Variants in PPA2 observed in about 807,000 individuals in gnomAD.
PPA2 encodes the protein inorganic pyrophosphatase 2, mitochondrial.
In PPA2, 48 loss-of-function variants were observed where a neutral mutation model predicts 49.5. The ratio of observed to expected loss-of-function variants is 0.97; its 90% confidence interval spans 0.77 to 1.23. The LOEUF is 1.23. Ranked by LOEUF, PPA2 falls within the 50% of genes most tolerant of loss-of-function variation. The pLI is 0.00. For synonymous variants in PPA2, 131 were observed against 139.9 expected, an observed-to-expected ratio of 0.94 and a Z score of 0.45; for missense variants, 429 against 410.1, an observed-to-expected ratio of 1.05 and a Z score of -0.40.
chr4:105,457,854 T>C (rs1261202130), intron 1 of PPA2, among the ~76,000 whole-genome samples: 1 of 152,192 alleles, frequency 6.6e-6, no homozygotes, highest in Non-Finnish European at 1.5e-5. Flanking sequence ...TGTGAGCCAC[T>C]GCACCTGGCC....
At position 105,437,139 on chromosome 4, in the gene PPA2, C is replaced by G. The variant is rs956047669; in HGVS notation, c.528+811G>C. On this transcript the variant is annotated intron_variant, in intron 6 of 11. Transcript: ENST00000341695. ...TAAAAAGTGCGCAAAGGCCACGAAC[C>G]AACATTTCTCAAAAAAAGAAATATA... is the stretch of plus-strand genomic sequence containing the variant. 6.6e-5 allele frequency among the ~76,000 whole-genome samples: 10 copies of G among 152,078 alleles called. No homozygotes were observed. In the East Asian group the frequency reaches 1.2e-3, roughly 18 times the overall value.
At chr4:105,451,255 T>A in intron 3 of PPA2, among the ~76,000 whole-genome samples, 1 of 152,294 alleles carries the variant, frequency 6.6e-6, no homozygotes, top group East Asian at 1.9e-4. Flanking sequence ...TAGTGTAACA[T>A]GGAATGCTGT....
At chr4:105,449,491 G>A (rs1045116200) in intron 3 of PPA2, 88 bp from the exon 4 acceptor site, 5 of 733,662 alleles carry the variant, frequency 6.8e-6, no homozygotes, top group Non-Finnish European at 1.1e-5. Flanking sequence ...TACCTTAGAT[G>A]TTTTCCCCCG....
At position 105,370,521 on chromosome 4, in the gene PPA2, GT is replaced by G. The variant is rs147156921; in HGVS notation, c.976+315del. 0.01 allele frequency: 8,181 copies of G among 798,336 alleles called. 546 individuals are homozygous for G. The African/African-American group carries it at 0.14, about 14-fold the overall frequency. The allele number at this position is 798,336 out of a possible 1,614,324, so 49.5% of individuals were successfully genotyped here. A position where few individuals can be genotyped will look rare whatever the true frequency, so the allele number is the denominator to read the frequency against. ...AAAAGATAAATATCTAAATGTAAGAGTTTTTTTTTAATTAAATCTTTTAAAA... is the reference window on the plus strand; with the variant it reads ...AAAAGATAAATATCTAAATGTAAGAGTTTTTTTTAATTAAATCTTTTAAAA... On this transcript the variant is annotated intron_variant, in intron 11 of 11. Transcript: ENST00000341695.
chr4:105,454,914 C>T lies in PPA2; in HGVS notation c.223-1272G>A, dbSNP rs9685346. ...TTTCCACCTCTACCTCTATCTACTA[C>T]ACGACTCTCAAAAATACAGCTTTAT... On this transcript the variant is annotated intron_variant, in intron 2 of 11. Coordinates refer to ENST00000341695, the MANE Select transcript of PPA2 (RefSeq NM_176869.3). 4.9e-3 allele frequency among the ~76,000 whole-genome samples: 753 copies of T among 152,272 alleles called. 10 individuals are homozygous for T. The highest frequency in any genetic ancestry group is 0.017 in the African/African-American group (709 of 41,538).
intron 6 of PPA2, among the ~76,000 whole-genome samples, chr4:105,434,991 C>T (rs1488417655): frequency 6.6e-6 from 1 of 152,230 alleles, no homozygotes; most frequent in Admixed American, 6.5e-5. Context: ...GAAAGTATAA[C>T]ATTTAGTTTT....
At position 105,449,338 on chromosome 4, in the gene PPA2, G is replaced by C. The variant is rs1356156874; in HGVS notation, c.321+12C>G. ...ATCATTTCGGTTTCATATTAATAAAGTATATCGGTACCTCCATTTTAGCAT... is the reference window on the plus strand; with the variant it reads ...ATCATTTCGGTTTCATATTAATAAACTATATCGGTACCTCCATTTTAGCAT... On this transcript the variant is annotated intron_variant, in intron 4 of 11. Coordinates refer to ENST00000341695, the MANE Select transcript of PPA2 (RefSeq NM_176869.3). 4 of 1,492,688 alleles carry C rather than the reference G, an allele frequency of 2.7e-6. No homozygotes were observed. The highest frequency in any genetic ancestry group is 3.7e-6 in the Non-Finnish European group (4 of 1,088,570). 92.5% of individuals were successfully genotyped at this position (1,492,688 alleles called of 1,614,324 possible).
At chr4:105,407,986 G>T (rs1044713315) in intron 7 of PPA2, among the ~76,000 whole-genome samples, 1 of 152,132 alleles carries the variant, frequency 6.6e-6, no homozygotes. Context: ...GAATTTGACT[G>T]GATGTAATTT....
In PPA2 at chr4:105,380,474, C is replaced by T. The variant is rs371024126; in HGVS notation, c.939+6093G>A. Among the ~76,000 whole-genome samples the T allele has an allele frequency of 4.3e-4, 66 of 152,068 alleles. No individual in the cohort carries two copies. In the East Asian group the frequency reaches 8.5e-3, roughly 20 times the overall value. On this transcript the variant is annotated intron_variant, in intron 10 of 11. Coordinates refer to ENST00000341695, the MANE Select transcript of PPA2 (RefSeq NM_176869.3). ...TCATTAATTTTTTTAAATTGTTTTT[C>T]TGGGCATATAAATTTTTTAAATCAC...
At chr4:105,404,297 G>A (rs975383416) in intron 7 of PPA2, among the ~76,000 whole-genome samples, 46 of 151,740 alleles carry the variant, frequency 3.0e-4, no homozygotes, top group African/African-American at 1.1e-3. Flanking sequence ...AAAAACTCTT[G>A]CCTACTGAAA....
intron 1 of PPA2, among the ~76,000 whole-genome samples, chr4:105,460,856 C>CAT (rs1491341057): frequency 7.2e-6 from 1 of 139,202 alleles, no homozygotes; most frequent in Non-Finnish European, 1.5e-5. Flanking sequence ...GATGTAAGAT[C>CAT]ACATATATAT....
chr4:105,372,697 T>C (rs72665981), intron 10 of PPA2, among the ~76,000 whole-genome samples: 19,325 of 152,110 alleles, frequency 0.13, 1,553 homozygotes, highest in East Asian at 0.43. Context: ...GCCTTCACAC[T>C]GGAACTGCAT....
chr4:105,464,701 C>A (rs78159178), intron 1 of PPA2, among the ~76,000 whole-genome samples: 1,670 of 152,164 alleles, frequency 0.011, 42 homozygotes, highest in African/African-American at 0.037. Flanking sequence ...TGATTATATA[C>A]GGGGGAGTTT....
intron 9 of PPA2, among the ~76,000 whole-genome samples, chr4:105,390,226 C>T (rs1733856419): frequency 6.6e-6 from 1 of 152,166 alleles, no homozygotes; most frequent in South Asian, 2.1e-4. Flanking sequence ...AAAACCTAGA[C>T]AATACCATTC....
At chr4:105,426,365 A>G (rs529489402) in intron 6 of PPA2, among the ~76,000 whole-genome samples, 206 of 152,298 alleles carry the variant, frequency 1.4e-3, no homozygotes, top group Admixed American at 3.5e-3. Flanking sequence ...AGAGCAAGCC[A>G]AAGAAGGGCA....
chr4:105,413,769 G>C (rs1012273338), intron 7 of PPA2, among the ~76,000 whole-genome samples: 1 of 152,088 alleles, frequency 6.6e-6, no homozygotes, highest in Non-Finnish European at 1.5e-5. Context: ...CGATTGTAAA[G>C]ATAATAAAAT....
intron 7 of PPA2, among the ~76,000 whole-genome samples, chr4:105,423,617 A>C (rs1723350448): frequency 6.6e-6 from 1 of 152,224 alleles, no homozygotes; most frequent in Admixed American, 6.5e-5. Flanking sequence ...GCCAGAACTT[A>C]AACTGAAGTC....
intron 6 of PPA2, among the ~76,000 whole-genome samples, chr4:105,428,872 A>T (rs113789780): frequency 0.02 from 3,105 of 152,314 alleles, 48 homozygotes; most frequent in Middle Eastern, 0.061. Context: ...GAAACCATGA[A>T]CAACAGGCAA....
chr4:105,385,132 T>C (rs1166231686), intron 10 of PPA2, among the ~76,000 whole-genome samples: 1 of 152,188 alleles, frequency 6.6e-6, no homozygotes, highest in East Asian at 1.9e-4. Flanking sequence ...CTCTTCTTAG[T>C]GAGGCTGTGG....
Sources: allele counts gnomAD v4.1 joint callset (sites outside exome capture counted in the v4.1 genomes callset), GRCh38; gene constraint gnomAD v4.1.1; transcripts MANE v1.5; gene names NCBI Gene and HGNC (gene_info 2026-07-23, HGNC 2026-07-21).